Variants in PSG5 observed in about 807,000 individuals in gnomAD.
The protein encoded by PSG5 is pregnancy specific beta-1-glycoprotein 5.
Under a neutral mutation model 37.7 loss-of-function variants are expected in PSG5, and 53 were observed. The observed-to-expected ratio is 1.41, with a 90% confidence interval of 1.13 to 1.77. The LOEUF (loss-of-function observed/expected upper bound fraction) is 1.77. Among genes scored for constraint, PSG5 ranks in the 40% most tolerant of loss-of-function variants. The pLI is 0.00. For synonymous variants in PSG5, 221 were observed against 155.4 expected (o/e 1.42, Z -3.14); for missense variants, 547 against 405.2 (o/e 1.35, Z -3.00).
At position 43,175,528 on chromosome 19, in the gene PSG5, G is replaced by A. The variant is rs1466293556; in HGVS notation, c.710-59C>T. 4.5e-6 allele frequency: 7 copies of A among 1,555,690 alleles called. No homozygotes were observed. The East Asian group carries it at 1.3e-4, about 30-fold the overall frequency. Reference sequence around the variant, plus strand: ...CATCCAAGGGAAGGGGATGCTCCTGGTCTCTTAAAGGGACACAGTGACCCT... The same window carrying A: ...CATCCAAGGGAAGGGGATGCTCCTGATCTCTTAAAGGGACACAGTGACCCT... On this transcript the variant is annotated intron_variant, in intron 3 of 5. Coordinates refer to ENST00000342951, the MANE Select transcript of PSG5 (RefSeq NM_002781.4).
intron 2 of PSG5, among the ~76,000 whole-genome samples, chr19:43,178,600 C>T (rs576614918): frequency 1.3e-5 from 2 of 151,704 alleles, no homozygotes; most frequent in South Asian, 2.1e-4. Flanking sequence ...AGCCAAATCC[C>T]CGCTGTGTTC....
chr19:43,167,890 G>A lies in PSG5; in HGVS notation c.*354C>T. The A allele has an allele frequency of 2.7e-6, 1 of 363,712 alleles. No homozygotes were observed. Among genetic ancestry groups the A allele is most frequent in the East Asian group, 4.0e-5 (1 of 24,726 alleles). 22.5% of individuals were successfully genotyped at this position (363,712 alleles called of 1,614,324 possible). ...CTTTACCAATTGCTCAAGAAAAAAA[G>A]TTCATAAATCTGGAGAATAAAACAT... On this transcript the variant is annotated 3_prime_UTR_variant, in exon 6 of 6. Coordinates refer to ENST00000342951, the MANE Select transcript of PSG5 (RefSeq NM_002781.4).
chr19:43,176,465 T>A (rs1470558405), intron 2 of PSG5, among the ~76,000 whole-genome samples: 2 of 151,546 alleles, frequency 1.3e-5, no homozygotes, highest in Non-Finnish European at 2.9e-5. Flanking sequence ...GTTGACTGGC[T>A]GGCTCACCCT....
At chr19:43,185,282 A>G in intron 1 of PSG5, 135 bp from the exon 2 acceptor site, 1 of 1,251,940 alleles carries the variant, frequency 8.0e-7, no homozygotes. Context: ...ACACACACAC[A>G]AAAGGTGCAT....
chr19:43,169,153 A>T (rs1161912371), intron 5 of PSG5, among the ~76,000 whole-genome samples: 1 of 151,280 alleles, frequency 6.6e-6, no homozygotes, highest in Non-Finnish European at 1.5e-5. Context: ...GTGGCATTCA[A>T]TTTTTTCTAT....
At chr19:43,170,297 A>C in intron 4 of PSG5, 159 bp from the exon 5 acceptor site, 1 of 792,242 alleles carries the variant, frequency 1.3e-6, no homozygotes, top group Non-Finnish European at 1.8e-6. Context: ...ATATTCTTGC[A>C]GTTTTTTTTT....
At chr19:43,169,553 G>T (rs1968859460) in intron 5 of PSG5, among the ~76,000 whole-genome samples, 1 of 151,674 alleles carries the variant, frequency 6.6e-6, no homozygotes, top group Admixed American at 6.6e-5. Flanking sequence ...GGTAAAGGAA[G>T]TGAGAAGGCT....
In PSG5 at chr19:43,171,983, CAAAAAA is replaced by C. The variant is rs60198220; in HGVS notation, c.965-1851_965-1846del. ...CATAGTGAGAGCCCGTCCCTCTCTT[CAAAAAA>C]AAAAAAAAAGAAAAAGAAAGAAAGA... is the stretch of plus-strand genomic sequence containing the variant. On this transcript the variant is annotated intron_variant, in intron 4 of 5. Transcript: ENST00000342951. 1.1e-4 allele frequency among the ~76,000 whole-genome samples: 12 copies of C among 105,140 alleles called. 1 individual carries two copies. The highest frequency in any genetic ancestry group is 2.4e-4 in the East Asian group (1 of 4,198). The allele number at this position is 105,140 out of a possible 152,430, so 69.0% of individuals were successfully genotyped here.
intron 4 of PSG5, among the ~76,000 whole-genome samples, chr19:43,172,124 A>G (rs937771834): frequency 1.3e-5 from 2 of 151,688 alleles, no homozygotes; most frequent in African/African-American, 4.9e-5. Context: ...AAACTCCTAG[A>G]AACACACAAA....
intron 1 of PSG5, 106 bp downstream of exon 1, chr19:43,186,236 A>T (rs1469994379): frequency 6.4e-6 from 10 of 1,566,062 alleles, no homozygotes; most frequent in Middle Eastern, 2.1e-4. Context: ...TCATCCTCCC[A>T]AAGTGCTGGC....
chr19:43,180,805 T>TAG (rs10641928), intron 2 of PSG5, among the ~76,000 whole-genome samples: 102,971 of 150,500 alleles, frequency 0.68, 36,705 homozygotes, highest in East Asian at 0.99. Flanking sequence ...GCTCCTTAAG[T>TAG]AGAGAGTCCC....
At chr19:43,181,890 T>C (rs1476298820) in intron 2 of PSG5, among the ~76,000 whole-genome samples, 2 of 151,776 alleles carry the variant, frequency 1.3e-5, no homozygotes, top group Non-Finnish European at 2.9e-5. Flanking sequence ...GACAGGAGAA[T>C]GTGAGCTCCA....
chr19:43,175,038 A>C (rs1968975758), intron 4 of PSG5, 177 bp downstream of exon 4: 1 of 1,521,396 alleles, frequency 6.6e-7, no homozygotes, highest in Admixed American at 2.1e-5. Flanking sequence ...AGAAAACAGA[A>C]AAACAAGGAG....
chr19:43,176,656 T>C (rs528543452), intron 2 of PSG5, among the ~76,000 whole-genome samples: 1 of 151,078 alleles, frequency 6.6e-6, no homozygotes, highest in African/African-American at 2.4e-5. Context: ...TGGGACTGGA[T>C]GTTTCAGCAG....
At chr19:43,170,459 A>T (rs1294135507) in intron 4 of PSG5, 1 of 447,646 alleles carries the variant, frequency 2.2e-6, no homozygotes, top group Admixed American at 3.0e-5. Context: ...TCATGGTTGC[A>T]TCTTTTTCTC....
Position 43,185,159 on chromosome 19 carries a change from A to G in PSG5, c.65-12T>C, listed in dbSNP as rs780324481. On this transcript the variant is annotated splice_polypyrimidine_tract_variant and intron_variant, in intron 1 of 5. Coordinates refer to ENST00000342951, the MANE Select transcript of PSG5 (RefSeq NM_002781.4). ...GTTTAAAAGTGATGCTAGGAGGTGG[A>G]GAAAGCACCAGTCAATATTGAGACC... 6.3e-7 allele frequency: 1 copy of G among 1,587,710 alleles called. No homozygotes were observed.
chr19:43,170,347 G>C (rs760457156), intron 4 of PSG5: 2 of 630,534 alleles, frequency 3.2e-6, no homozygotes, highest in Non-Finnish European at 4.8e-6. Context: ...TCAGTCCTCT[G>C]TCAAATCTCT....
At position 43,175,645 on chromosome 19, in the gene PSG5, A is replaced by G. The variant is rs1246635930; in HGVS notation, c.710-176T>C. On this transcript the variant is annotated intron_variant, in intron 3 of 5. Transcript: ENST00000342951. Reference sequence around the variant, plus strand: ...GTATTCACCTGTTTCTCCCATCACAAGCTATTGACACAAAGTCTCCCATGA... The same window carrying G: ...GTATTCACCTGTTTCTCCCATCACAGGCTATTGACACAAAGTCTCCCATGA... 4 of 1,387,758 alleles carry G rather than the reference A, an allele frequency of 2.9e-6. No homozygotes were observed. In the African/African-American group the frequency reaches 5.9e-5, roughly 20 times the overall value. The allele number at this position is 1,387,758 out of a possible 1,614,324, so 86.0% of individuals were successfully genotyped here.
chr19:43,177,136 C>T (rs996435993), intron 2 of PSG5, among the ~76,000 whole-genome samples: 1 of 151,530 alleles, frequency 6.6e-6, no homozygotes, highest in African/African-American at 2.4e-5. Context: ...CTCTAGGGAC[C>T]TCATGTAAGT....
Sources: gnomAD v4.1 joint callset for allele counts (sites outside exome capture counted in the v4.1 genomes callset) on GRCh38, gnomAD v4.1.1 for gene constraint, MANE v1.5 for transcripts, NCBI Gene and HGNC (gene_info 2026-07-23, HGNC 2026-07-21) for gene names.